Variants in MICAL3 observed in about 807,000 individuals in gnomAD.
The protein encoded by MICAL3 is microtubule associated monooxygenase, calponin and LIM domain containing 3.
A neutral mutation model predicts 207.4 loss-of-function variants in MICAL3; 62 were observed. The observed-to-expected ratio is 0.30, with a 90% CI of 0.24 to 0.37. The LOEUF (loss-of-function observed/expected upper bound fraction) is 0.37. Ranked by LOEUF, MICAL3 falls within the 10% of genes least tolerant of loss-of-function variation. The probability of loss-of-function intolerance (pLI) is 1.00; values close to 1 mark genes in which losing one functional copy is unlikely to be tolerated. For synonymous variants in MICAL3, 1,077 were observed against 1,069.3 expected, an observed-to-expected ratio of 1.01 and a Z score of -0.14; for missense variants, 2,368 against 2,635.6, an observed-to-expected ratio of 0.90 and a Z score of 2.22.
intron 1 of MICAL3, among the ~76,000 whole-genome samples, chr22:17,973,953 T>A (rs186651917): frequency 5.3e-4 from 81 of 152,092 alleles, no homozygotes; most frequent in African/African-American, 1.8e-3. Context: ...GATACATAAA[T>A]AAAAAACAAG....
intron 1 of MICAL3, among the ~76,000 whole-genome samples, chr22:17,998,574 G>C (rs1308712372): frequency 7.2e-6 from 1 of 138,740 alleles, no homozygotes; most frequent in Non-Finnish European, 1.6e-5. Flanking sequence ...TTTTTTTTTT[G>C]AGATGAAGTC....
At chr22:17,982,796 A>G (rs141443063) in intron 1 of MICAL3, among the ~76,000 whole-genome samples, 1 of 149,844 alleles carries the variant, frequency 6.7e-6, no homozygotes, top group Non-Finnish European at 1.5e-5. Context: ...AAAATAAAAT[A>G]AAAAAGTTTT....
rs149112935 is a variant in MICAL3 at position 17,884,875 on chromosome 22, T to C, written c.2241+1003A>G. Among the ~76,000 whole-genome samples, 408 of 152,270 alleles carry C rather than the reference T, an allele frequency of 2.7e-3. 15 individuals are homozygous for C. In the East Asian group the frequency reaches 0.056, roughly 21 times the overall value. On this transcript the variant is annotated intron_variant, in intron 16 of 31. Coordinates refer to ENST00000441493, the MANE Select transcript of MICAL3 (RefSeq NM_015241.3). ...AGACTAGATGTGGGAGGTAGTTAAT[T>C]ATGGCCAGACTCCAAGCAAAGCTGC...
Position 17,834,631 on chromosome 22 carries a change from T to C in MICAL3, c.2802-2524A>G, listed in dbSNP as rs867024114. 20 of 1,049,354 alleles carry C rather than the reference T, an allele frequency of 1.9e-5. No individual in the cohort carries two copies. In the Middle Eastern group the frequency reaches 8.0e-4, roughly 42 times the overall value. The allele number at this position is 1,049,354 out of a possible 1,614,324, so 65.0% of individuals were successfully genotyped here. The stretch of plus-strand genomic sequence containing the variant: ...GGGGAGGAAAGGTGTACGCACATCA[T>C]GCTAAAGCGCAGCAGAACACAAGCA... On this transcript the variant is annotated intron_variant, in intron 20 of 31. Coordinates refer to ENST00000441493, the MANE Select transcript of MICAL3 (RefSeq NM_015241.3).
chr22:17,995,424 A>T (rs1602372206), intron 1 of MICAL3, among the ~76,000 whole-genome samples: 1 of 143,960 alleles, frequency 6.9e-6, no homozygotes, highest in Admixed American at 7.0e-5. Flanking sequence ...CAATACTCCT[A>T]CCTTGGCCCA....
intron 29 of MICAL3, among the ~76,000 whole-genome samples, chr22:17,799,727 G>A (rs2061916926): frequency 6.6e-6 from 1 of 152,182 alleles, no homozygotes; most frequent in African/African-American, 2.4e-5. Flanking sequence ...CTGCAGACAT[G>A]CAAGCAGCTG....
At chr22:17,978,107 T>G (rs1935739357) in intron 1 of MICAL3, among the ~76,000 whole-genome samples, 1 of 152,100 alleles carries the variant, frequency 6.6e-6, no homozygotes, top group South Asian at 2.1e-4. Flanking sequence ...TTCATAGCAA[T>G]ATTCCAAATA....
chr22:17,872,701 T>C (rs1372376065), intron 16 of MICAL3: 1 of 1,160,000 alleles, frequency 8.6e-7, no homozygotes, highest in African/African-American at 1.5e-5. Context: ...GTGTTTCCCA[T>C]GGCTGTGCTG....
intron 10 of MICAL3, among the ~76,000 whole-genome samples, chr22:17,894,473 T>C (rs1236996990): frequency 6.6e-6 from 1 of 150,718 alleles, no homozygotes; most frequent in Admixed American, 6.6e-5. Flanking sequence ...AGAGTCTCGG[T>C]TGGACTACTA....
In MICAL3 at chr22:17,841,833, GTCC is replaced by G; in HGVS notation, c.2787_2789del (p.Glu929del). On this transcript the variant is annotated inframe_deletion, in exon 20 of 32. Coordinates refer to ENST00000441493, the MANE Select transcript of MICAL3 (RefSeq NM_015241.3). The surrounding 1 kb of genome is among the most constrained non-coding windows in gnomAD (Gnocchi z 4.2). Reference sequence around the variant, plus strand: ...CCCTGCGTGCTGACCTGCTGGCGACGTCCTCCTCGGCGCCCGTGTCCAGCACGC... The same window carrying G: ...CCCTGCGTGCTGACCTGCTGGCGACGTCCTCGGCGCCCGTGTCCAGCACGC... 1 of 1,548,790 alleles carries G rather than the reference GTCC, an allele frequency of 6.5e-7. No homozygotes were observed. The highest frequency in any genetic ancestry group is 8.7e-7 in the Non-Finnish European group (1 of 1,149,756).
chr22:17,990,789 C>T (rs949557255), intron 1 of MICAL3, among the ~76,000 whole-genome samples: 25 of 152,160 alleles, frequency 1.6e-4, no homozygotes, highest in East Asian at 5.8e-4. Flanking sequence ...GGATTGAAGG[C>T]GATCATGCCA....
At chr22:17,885,695 C>A (rs1329629876) in intron 16 of MICAL3, among the ~76,000 whole-genome samples, 183 bp downstream of exon 16, 1 of 152,154 alleles carries the variant, frequency 6.6e-6, no homozygotes, top group East Asian at 1.9e-4. Flanking sequence ...GACGGAGCAA[C>A]CCTCAGAGCC....
chr22:17,874,269 C>T (rs1455455098), intron 16 of MICAL3, among the ~76,000 whole-genome samples: 1 of 152,186 alleles, frequency 6.6e-6, no homozygotes, highest in Non-Finnish European at 1.5e-5. Flanking sequence ...GCTCTCAGAT[C>T]TAAACCTTCT....
chr22:17,795,686 C>T (rs907261491), intron 29 of MICAL3, among the ~76,000 whole-genome samples: 11 of 152,230 alleles, frequency 7.2e-5, no homozygotes, highest in African/African-American at 2.2e-4. Context: ...GAGGCAGAAG[C>T]GCGTGTGAGC....
At chr22:18,018,047 C>T (rs769465191) in intron 1 of MICAL3, among the ~76,000 whole-genome samples, 38 of 150,554 alleles carry the variant, frequency 2.5e-4, no homozygotes, top group Non-Finnish European at 4.3e-4. Flanking sequence ...CGCGCCCGGC[C>T]GTATTTTTAA....
At chr22:17,798,672 CCTT>C (rs2061902404) in intron 29 of MICAL3, among the ~76,000 whole-genome samples, 2 of 132,316 alleles carry the variant, frequency 1.5e-5, no homozygotes, top group Non-Finnish European at 3.1e-5. Flanking sequence ...TGGAGCAATG[CCTT>C]TTTTTTTTTT....
At chr22:17,887,010 A>G (rs1467491082) in intron 15 of MICAL3, among the ~76,000 whole-genome samples, 160 bp downstream of exon 15, 6 of 149,482 alleles carry the variant, frequency 4.0e-5, no homozygotes, top group African/African-American at 9.8e-5. Flanking sequence ...AAAAAAAAAA[A>G]AAAAAAGAAA....
At chr22:17,935,653 T>G (rs529815224) in intron 1 of MICAL3, among the ~76,000 whole-genome samples, 1 of 152,112 alleles carries the variant, frequency 6.6e-6, no homozygotes, top group African/African-American at 2.4e-5. Context: ...ACCTACAGAA[T>G]GGGAGAAAAT....
chr22:17,880,495 T>A (rs1475017264), intron 16 of MICAL3, among the ~76,000 whole-genome samples: 1 of 152,266 alleles, frequency 6.6e-6, no homozygotes, highest in Non-Finnish European at 1.5e-5. Flanking sequence ...TCAGTCACGT[T>A]AATACGGTCA....
Sources: allele counts gnomAD v4.1 joint callset (sites outside exome capture counted in the v4.1 genomes callset), GRCh38; gene constraint gnomAD v4.1.1; non-coding constraint Gnocchi (gnomAD v3.1); transcripts MANE v1.5; gene names NCBI Gene and HGNC (gene_info 2026-07-23, HGNC 2026-07-21).